Variants in TNRC6C observed in about 807,000 individuals in gnomAD.
The protein encoded by TNRC6C is trinucleotide repeat containing adaptor 6C.
TNRC6C carries 20 observed loss-of-function variants against 153.7 expected under a neutral mutation model. The ratio of observed to expected loss-of-function variants is 0.13; its 90% CI spans 0.09 to 0.19. The LOEUF is 0.19. Among genes scored for constraint, TNRC6C ranks in the 10% least tolerant of loss-of-function variants. The probability of loss-of-function intolerance (pLI) is 1.00; values close to 1 mark genes in which losing one functional copy is unlikely to be tolerated. For synonymous variants in TNRC6C, 811 were observed against 841.4 expected (o/e 0.96, Z 0.63); for missense variants, 1,987 against 2,172.0 (o/e 0.91, Z 1.69).
At chr17:78,033,707 C>T (rs1346695055) in intron 2 of TNRC6C, among the ~76,000 whole-genome samples, 6 of 151,410 alleles carry the variant, frequency 4.0e-5, no homozygotes, top group Non-Finnish European at 8.8e-5. Context: ...TATAAATATA[C>T]ATATAAACAC....
intron 13 of TNRC6C, 87 bp from the exon 16 acceptor site, chr17:78,091,353 C>G: frequency 7.4e-7 from 1 of 1,344,206 alleles, no homozygotes; most frequent in Non-Finnish European, 9.6e-7. Context: ...TTGCTGTAAG[C>G]GAAGACTGAA....
chr17:78,052,898 C>T (rs2072566062), intron 3 of TNRC6C, among the ~76,000 whole-genome samples: 1 of 152,204 alleles, frequency 6.6e-6, no homozygotes, highest in Non-Finnish European at 1.5e-5. Flanking sequence ...CCTAGTCCCA[C>T]AAATGTGCCT....
chr17:78,067,677 C>A (rs1232511141), intron 4 of TNRC6C, 80 bp from the exon 7 acceptor site: 12 of 1,430,004 alleles, frequency 8.4e-6, no homozygotes, highest in Non-Finnish European at 1.1e-5. Flanking sequence ...TCCCACGACC[C>A]CTAAATTATA....
chr17:78,052,694 C>T (rs916722221), intron 3 of TNRC6C, among the ~76,000 whole-genome samples: 3 of 152,086 alleles, frequency 2.0e-5, no homozygotes, highest in Non-Finnish European at 2.9e-5. Context: ...ATTATGACTG[C>T]CCTACAGGAC....
chr17:78,013,113 C>CA (rs111963459), intron 1 of TNRC6C, among the ~76,000 whole-genome samples: 6,116 of 152,032 alleles, frequency 0.04, 380 homozygotes, highest in African/African-American at 0.14. Flanking sequence ...CTATTCTACC[C>CA]AAAAAAGAGT....
At position 78,085,248 on chromosome 17, in the gene TNRC6C, A is replaced by G. The variant is rs182555905; in HGVS notation, c.3478-1255A>G. Among the ~76,000 whole-genome samples the G allele has an allele frequency of 7.3e-4, 111 of 152,322 alleles. 1 individual carries two copies. Among genetic ancestry groups the G allele is most frequent in the Admixed American group, 4.4e-3 (68 of 15,306 alleles). On this transcript the variant is annotated intron_variant, in intron 11 of 19. Transcript: ENST00000301624. ...ATACAGTAAGTTTTTATTGACCTCT[A>G]TAGTGTGAAAGACATCAAGAAAATG...
chr17:78,012,077 A>G (rs1210905635), intron 1 of TNRC6C: 1 of 152,212 alleles, frequency 6.6e-6, no homozygotes, highest in Non-Finnish European at 1.5e-5. Context: ...TACATGCCTC[A>G]GTCATTGCCC....
chr17:78,091,554 T>G, exon 14 of TNRC6C: 1 of 1,602,150 alleles, frequency 6.2e-7, no homozygotes, highest in Non-Finnish European at 8.5e-7. Context: ...CCCAACTCCA[T>G]GGATAACTTG....
At chr17:78,029,830 C>T (rs998700106) in intron 1 of TNRC6C, among the ~76,000 whole-genome samples, 1 of 151,792 alleles carries the variant, frequency 6.6e-6, no homozygotes, top group African/African-American at 2.4e-5. Context: ...CACACACACA[C>T]ACACACATAA....
chr17:77,973,889 T>C (rs1000466784), intron 1 of TNRC6C, among the ~76,000 whole-genome samples: 26 of 152,264 alleles, frequency 1.7e-4, no homozygotes, highest in Admixed American at 1.7e-3. Context: ...AAACACAATA[T>C]TGTTAATCTG....
At position 78,079,511 on chromosome 17, in the gene TNRC6C, T is replaced by C; in HGVS notation, c.3327T>C (p.Arg1109=). 1 of 1,613,890 alleles carries C rather than the reference T, an allele frequency of 6.2e-7. No individual in the cohort carries two copies. Among genetic ancestry groups the C allele is most frequent in the Non-Finnish European group, 8.5e-7 (1 of 1,179,878 alleles). ...TTAACTCTTCCCAGCCCAGTCTCCG[T>C]GCTCAAGTGCCTCAGTTTCTATCCC... The change falls in exon 10 of 20, where the codon CGT becomes CGC. Residue 1109 remains arginine, a synonymous_variant. Coordinates refer to ENST00000301624, the Ensembl canonical transcript of TNRC6C. The surrounding 1 kb of genome is among the most constrained non-coding windows in gnomAD (Gnocchi z 4.3).
intron 4 of TNRC6C, 94 bp from the exon 7 acceptor site, chr17:78,067,663 T>A: frequency 2.2e-6 from 3 of 1,375,230 alleles, no homozygotes; most frequent in Non-Finnish European, 2.9e-6. Context: ...CAATGCATCA[T>A]TTGTCCCACG....
At chr17:77,978,037 A>G (rs1241454975) in intron 1 of TNRC6C, among the ~76,000 whole-genome samples, 1 of 151,740 alleles carries the variant, frequency 6.6e-6, no homozygotes, top group Non-Finnish European at 1.5e-5. Flanking sequence ...CTGGGACTAC[A>G]GGCGCCCGCC....
At chr17:78,058,983 T>C (rs1447495240) in intron 3 of TNRC6C, among the ~76,000 whole-genome samples, 2 of 152,202 alleles carry the variant, frequency 1.3e-5, no homozygotes, top group African/African-American at 2.4e-5. Flanking sequence ...AAACTAAAAC[T>C]TGGAAAAAAT....
Position 78,049,157 on chromosome 17 carries a change from C to T in TNRC6C, c.95C>T (p.Ser32Phe). 6.2e-7 allele frequency: 1 copy of T among 1,612,258 alleles called. No homozygotes were observed. Among genetic ancestry groups the T allele is most frequent in the Admixed American group, 1.7e-5 (1 of 59,824 alleles). ...AATGGCGCACTCGTCCAAAGCCCTT[C>T]TAATCAGAGTGCCCTTGGAGCAGGG... The change falls in exon 3 of 20, where the codon TCT (serine) becomes TTT (phenylalanine). Residue 32 changes from serine (S) to phenylalanine (F), a missense_variant. Coordinates refer to ENST00000301624, the Ensembl canonical transcript of TNRC6C. The surrounding 1 kb of genome is among the most constrained non-coding windows in gnomAD (Gnocchi z 4.1).
At chr17:78,093,727 A>G in exon 16 of TNRC6C, 1 of 1,613,970 alleles carries the variant, frequency 6.2e-7, no homozygotes. Context: ...CAACACCACC[A>G]TCCAGGATGT....
At chr17:78,043,563 T>A (rs2072343841) in intron 2 of TNRC6C, among the ~76,000 whole-genome samples, 1 of 152,214 alleles carries the variant, frequency 6.6e-6, no homozygotes, top group Non-Finnish European at 1.5e-5. Flanking sequence ...TATTTATCCA[T>A]TGTGTTACAA....
intron 17 of TNRC6C, among the ~76,000 whole-genome samples, chr17:78,100,240 C>T (rs891376072): frequency 6.6e-6 from 1 of 152,214 alleles, no homozygotes; most frequent in East Asian, 1.9e-4. Context: ...AGGTGGTGCC[C>T]CAGTAGGGAC....
chr17:78,067,626 G>A lies in TNRC6C; in HGVS notation c.2612-131G>A. On this transcript the variant is annotated intron_variant, in intron 4 of 19. Transcript: ENST00000301624. ...AGAAATTCAATTCTGAGATCTGGGA[G>A]AAATGAAGGCATAAAAAGGTAGATT... 5.5e-6 allele frequency: 5 copies of A among 914,118 alleles called. No individual in the cohort carries two copies. The South Asian group carries it at 8.7e-5, about 16-fold the overall frequency. The allele number at this position is 914,118 out of a possible 1,614,324, so 56.6% of individuals were successfully genotyped here. A position where few individuals can be genotyped will look rare whatever the true frequency, so the allele number is the denominator to read the frequency against.
Sources: allele counts gnomAD v4.1 joint callset (sites outside exome capture counted in the v4.1 genomes callset), GRCh38; gene constraint gnomAD v4.1.1; non-coding constraint Gnocchi (gnomAD v3.1); transcripts MANE v1.5; gene names NCBI Gene and HGNC (gene_info 2026-07-23, HGNC 2026-07-21).